Variants in MEIG1 observed in about 807,000 individuals in gnomAD.
The protein encoded by MEIG1 is meiosis/spermiogenesis associated 1.
A neutral mutation model predicts 11.3 loss-of-function variants in MEIG1; 12 were observed. The observed-to-expected ratio is 1.07, with a 90% CI of 0.68 to 1.73. MEIG1 has a LOEUF of 1.73. MEIG1 is among the 40% of genes most tolerant of loss of function. The probability of loss-of-function intolerance (pLI) is 0.00; values close to 1 mark genes in which losing one functional copy is unlikely to be tolerated. For synonymous variants in MEIG1, 41 were observed against 33.2 expected, an observed-to-expected ratio of 1.24 and a Z score of -0.81; for missense variants, 119 against 104.9, an observed-to-expected ratio of 1.13 and a Z score of -0.59.
the MEIG1 span, chr10:14,954,252 G>A: frequency 1.5e-5 from 9 of 619,568 alleles, no homozygotes; most frequent in Non-Finnish European, 2.6e-5. Context: ...TGGGCCCTGA[G>A]CCCTGCCCAG....
At chr10:14,961,378 C>A (rs1168552178) in intron 1 of MEIG1, among the ~76,000 whole-genome samples, 1 of 152,124 alleles carries the variant, frequency 6.6e-6, no homozygotes, top group Non-Finnish European at 1.5e-5. Context: ...GCATATAAAC[C>A]CTAAGTATTT....
chr10:14,959,533 T>C lies in MEIG1; in HGVS notation c.-54T>C, dbSNP rs1174641587. 1 of 152,356 alleles carries C rather than the reference T, an allele frequency of 6.6e-6. No homozygotes were observed. The highest frequency in any genetic ancestry group is 2.4e-5 in the African/African-American group (1 of 41,462). The allele number at this position is 152,356 out of a possible 1,614,324, so 9.4% of individuals were successfully genotyped here. ...CCTCTCCTGCTCGGCGGAACGAGGATAACCCAGTAGAGCCGGACCCAGGGG... is the reference window on the plus strand; with the variant it reads ...CCTCTCCTGCTCGGCGGAACGAGGACAACCCAGTAGAGCCGGACCCAGGGG... On this transcript the variant is annotated 5_prime_UTR_variant, in exon 1 of 3. Transcript: ENST00000407572.
At chr10:14,962,998 G>A (rs1319992087) in intron 1 of MEIG1, among the ~76,000 whole-genome samples, 5 of 151,758 alleles carry the variant, frequency 3.3e-5, no homozygotes, top group Admixed American at 2.6e-4. Context: ...TCCTGACCTC[G>A]TGATCCACCC....
intron 1 of MEIG1, among the ~76,000 whole-genome samples, chr10:14,982,570 G>C (rs1012297820): frequency 1.1e-4 from 16 of 150,866 alleles, no homozygotes; most frequent in African/African-American, 3.4e-4. Context: ...GGTCAGCAGA[G>C]GTGAAGGGCT....
At chr10:14,955,110 T>C (rs2131247839), upstream of MEIG1, among the ~76,000 whole-genome samples, 1 of 152,270 alleles carries the variant, frequency 6.6e-6, no homozygotes, top group African/African-American at 2.4e-5. Flanking sequence ...TTTTATATTT[T>C]TAGCAGAGAC....
intron 1 of MEIG1, among the ~76,000 whole-genome samples, chr10:14,964,636 CTTTTTTTTTTT>C (rs35249492): frequency 2.0e-5 from 1 of 49,220 alleles, no homozygotes; most frequent in African/African-American, 8.8e-5. Context: ...TATATGTATA[CTTTTTTTTTTT>C]TTTTTTTTTT....
At chr10:14,980,619 A>C (rs1333543258) in intron 1 of MEIG1, among the ~76,000 whole-genome samples, 1 of 152,090 alleles carries the variant, frequency 6.6e-6, no homozygotes, top group South Asian at 2.1e-4. Flanking sequence ...GGCGCACCCG[A>C]CTGACCTGGG....
At position 14,968,207 on chromosome 10, in the gene MEIG1, G is replaced by C. The variant is rs148011290; in HGVS notation, c.138+1601G>C. 7.2e-3 allele frequency among the ~76,000 whole-genome samples: 1,101 copies of C among 152,194 alleles called. 16 individuals are homozygous for C. The highest frequency in any genetic ancestry group is 0.025 in the African/African-American group (1,034 of 41,526). ...AAATTCCTTTAAAAGTACATAGGAGGCTGGGAGTGGTGGCTCACGCCTGCA... is the reference window on the plus strand; with the variant it reads ...AAATTCCTTTAAAAGTACATAGGAGCCTGGGAGTGGTGGCTCACGCCTGCA... On this transcript the variant is annotated intron_variant, in intron 2 of 2. Transcript: ENST00000407572.
intron 1 of MEIG1, among the ~76,000 whole-genome samples, chr10:14,984,504 T>A (rs1843298812): frequency 6.6e-6 from 1 of 152,138 alleles, no homozygotes; most frequent in Non-Finnish European, 1.5e-5. Flanking sequence ...ACAATGTGTG[T>A]ACACCTTGTG....
chr10:14,976,296 C>G (rs530339489), downstream of MEIG1, among the ~76,000 whole-genome samples: 108 of 151,666 alleles, frequency 7.1e-4, no homozygotes, highest in Middle Eastern at 6.8e-3. Flanking sequence ...ACATATTATT[C>G]ATCGGGGAAT....
At chr10:14,961,220 T>C (rs551476147) in intron 1 of MEIG1, among the ~76,000 whole-genome samples, 2 of 152,328 alleles carry the variant, frequency 1.3e-5, no homozygotes, top group Admixed American at 6.5e-5. Flanking sequence ...TAATAAAGTG[T>C]TGACTATGTC....
At chr10:14,957,805 C>T (rs192238942), upstream of MEIG1, among the ~76,000 whole-genome samples, 1 of 152,118 alleles carries the variant, frequency 6.6e-6, no homozygotes, top group East Asian at 1.9e-4. Context: ...GCCACCACTC[C>T]CAGCTAGTTC....
At chr10:14,960,543 C>A (rs1157812965) in intron 1 of MEIG1, among the ~76,000 whole-genome samples, 2 of 152,016 alleles carry the variant, frequency 1.3e-5, no homozygotes, top group African/African-American at 4.8e-5. Flanking sequence ...CTCAGCCTCC[C>A]GAGTAGCTGG....
chr10:14,974,050 TC>T (rs1843181637), downstream of MEIG1, among the ~76,000 whole-genome samples: 1 of 152,192 alleles, frequency 6.6e-6, no homozygotes, highest in Non-Finnish European at 1.5e-5. Context: ...TTCTTCTTTT[TC>T]CCTGAATAAC....
intron 1 of MEIG1, among the ~76,000 whole-genome samples, chr10:14,964,585 G>GTGTGTGTATATATATA (rs1378376059): frequency 5.4e-5 from 5 of 93,040 alleles, no homozygotes; most frequent in African/African-American, 2.0e-4. Context: ...GTGTGTGTGT[G>GTGTGTGTATATATATA]TATATATATA....
chr10:14,987,262 G>A (rs969951341), intron 2 of MEIG1: 3 of 860,462 alleles, frequency 3.5e-6, no homozygotes, highest in East Asian at 2.6e-5. Flanking sequence ...AGTACATGGG[G>A]GTATGGAGGG....
the MEIG1 span, chr10:14,954,236 A>C: frequency 1.5e-4 from 98 of 665,554 alleles, no homozygotes; most frequent in African/African-American, 1.5e-3. Context: ...GCTTCGCTGC[A>C]CGCGATGGGC....
rs1843167333 is a variant in MEIG1 at position 14,972,744 on chromosome 10, C to T, written c.*103C>T. The T allele has an allele frequency of 1.8e-6, 2 of 1,138,362 alleles. No individual in the cohort carries two copies. Among genetic ancestry groups the T allele is most frequent in the Non-Finnish European group, 2.4e-6 (2 of 823,446 alleles). 70.5% of individuals were successfully genotyped at this position (1,138,362 alleles called of 1,614,324 possible). On this transcript the variant is annotated 3_prime_UTR_variant, in exon 3 of 3. Coordinates refer to ENST00000407572, the MANE Select transcript of MEIG1 (RefSeq NM_001080836.3). ...ATGAAATAATTCAAGATGCAGTCTG[C>T]AGTTTAATGTTTTGTGAAACACAAA... is the stretch of plus-strand genomic sequence containing the variant.
intron 1 of MEIG1, among the ~76,000 whole-genome samples, chr10:14,981,051 G>A (rs370255263): frequency 1.3e-5 from 2 of 152,144 alleles, no homozygotes; most frequent in South Asian, 2.1e-4. Flanking sequence ...CGAATGACAA[G>A]GAAGTATCAT....
Sources: allele counts gnomAD v4.1 joint callset (sites outside exome capture counted in the v4.1 genomes callset), GRCh38; gene constraint gnomAD v4.1.1; transcripts MANE v1.5; gene names NCBI Gene and HGNC (gene_info 2026-07-23, HGNC 2026-07-21).